ZNF236: variants seen among roughly 807,000 people sequenced by gnomAD.
The protein encoded by ZNF236 is zinc finger protein 236.
In ZNF236, 50 loss-of-function variants were observed where a neutral mutation model predicts 191.2. The ratio of observed to expected loss-of-function variants is 0.26; its 90% CI spans 0.21 to 0.33. ZNF236 has a LOEUF of 0.33. ZNF236 is among the 10% of genes least tolerant of loss of function. ZNF236 has a pLI of 1.00. For missense variants in ZNF236, 1,754 were observed against 2,374.5 expected, an observed-to-expected ratio of 0.74 and a Z score of 5.43; for synonymous variants, 907 against 928.8, an observed-to-expected ratio of 0.98 and a Z score of 0.43.
intron 3 of ZNF236, among the ~76,000 whole-genome samples, chr18:76,857,921 A>C (rs1976092554): frequency 6.6e-6 from 1 of 152,222 alleles, no homozygotes; most frequent in Non-Finnish European, 1.5e-5. Context: ...ACGGAATGTG[A>C]AAACATCAGC....
In ZNF236 at chr18:76,925,463, C is replaced by T; in HGVS notation, c.3936C>T (p.Ile1312=). The change falls in exon 22 of 31, where the codon ATC becomes ATT. Residue 1312 remains isoleucine (I), a synonymous_variant. Coordinates refer to ENST00000320610, the MANE Select transcript of ZNF236 (RefSeq NM_001306089.2). This position sits in a 1 kb window ranked among gnomAD's most constrained non-coding sequence, Gnocchi z 5.7. ...NSSSTDPNVF[I]MNNSVLTGQF... is the part of the protein sequence containing the mutation. Reference sequence around the variant, plus strand: ...CCTCTACTGACCCAAACGTGTTTATCATGAACAACTCTGTTCTAACAGGAC... The same window carrying T: ...CCTCTACTGACCCAAACGTGTTTATTATGAACAACTCTGTTCTAACAGGAC... The T allele has an allele frequency of 6.2e-7, 1 of 1,614,232 alleles. No individual in the cohort carries two copies. Among genetic ancestry groups the T allele is most frequent in the East Asian group, 2.2e-5 (1 of 44,892 alleles).
intron 4 of ZNF236, among the ~76,000 whole-genome samples, chr18:76,870,038 G>A (rs1976536891): frequency 6.6e-6 from 1 of 152,184 alleles, no homozygotes; most frequent in South Asian, 2.1e-4. Context: ...ATCCTTCTAA[G>A]CTGCAATGTT....
At chr18:76,830,527 T>C (rs1282005624) in intron 1 of ZNF236, among the ~76,000 whole-genome samples, 1 of 152,184 alleles carries the variant, frequency 6.6e-6, no homozygotes, top group Admixed American at 6.5e-5. Flanking sequence ...GTAGCACTTA[T>C]TATTGCCTCT....
rs73490870 is a variant in ZNF236 at position 76,940,678 on chromosome 18, C to T, written c.4782+3335C>T. On this transcript the variant is annotated intron_variant, in intron 26 of 30. Transcript: ENST00000320610. ...GTTTTATCACTTTGAGAATTATCCA[C>T]TACAATTAAAGTGAAAGTTCAGTAA... Among the ~76,000 whole-genome samples the T allele has an allele frequency of 7.5e-3, 1,139 of 152,318 alleles. 13 individuals are homozygous for T. Among genetic ancestry groups the T allele is most frequent in the African/African-American group, 0.026 (1,086 of 41,564 alleles).
intron 28 of ZNF236, among the ~76,000 whole-genome samples, chr18:76,959,170 A>T (rs1968598492): frequency 6.6e-6 from 1 of 152,214 alleles, no homozygotes; most frequent in Non-Finnish European, 1.5e-5. Context: ...GGGAGAACGC[A>T]CTTCAGAATC....
chr18:76,855,626 G>C (rs1208919942), intron 3 of ZNF236, among the ~76,000 whole-genome samples: 1 of 152,190 alleles, frequency 6.6e-6, no homozygotes. Context: ...CTGCTGTTAG[G>C]CATATAGGTT....
At chr18:76,836,974 C>G (rs1975348464) in intron 1 of ZNF236, among the ~76,000 whole-genome samples, 1 of 152,074 alleles carries the variant, frequency 6.6e-6, no homozygotes, top group Admixed American at 6.6e-5. Context: ...CTTCCAGGTT[C>G]AAGCAATTCT....
Position 76,927,804 on chromosome 18 carries a change from G to A in ZNF236, c.4415-123G>A. 1 of 888,346 alleles carries A rather than the reference G, an allele frequency of 1.1e-6. No individual in the cohort carries two copies. Among genetic ancestry groups the A allele is most frequent in the South Asian group, 2.3e-5 (1 of 43,808 alleles). The allele number at this position is 888,346 out of a possible 1,614,324, so 55.0% of individuals were successfully genotyped here. ...AGGAATTAGAGATGACTGATGCTTT[G>A]TTTTAAATCTTTGTCTTATTGAAAT... On this transcript the variant is annotated intron_variant, in intron 24 of 30. Coordinates refer to ENST00000320610, the MANE Select transcript of ZNF236 (RefSeq NM_001306089.2). The surrounding 1 kb of genome is among the most constrained non-coding windows in gnomAD (Gnocchi z 5.4).
rs1065499 is a variant in ZNF236, at chr18:76,881,365, C to T, written c.1270C>T (p.Pro424Ser). The T allele has an allele frequency of 6.2e-7, 1 of 1,614,134 alleles. No homozygotes were observed. The change falls in exon 9 of 31, where the codon CCA becomes TCA. Residue 424 changes from proline to serine, a missense_variant. Pro to Ser is a moderately conservative substitution (Grantham distance 74). Transcript: ENST00000320610. ...NDSCHAKTSA[P>S]HAQNPDVSSV... is the part of the protein sequence containing the mutation. ...CTCCTGCCATGCCAAGACCTCTGCACCACACGCTCAAAACCCAGATGTTTC... is the reference window on the plus strand; with the variant it reads ...CTCCTGCCATGCCAAGACCTCTGCATCACACGCTCAAAACCCAGATGTTTC...
intron 1 of ZNF236, among the ~76,000 whole-genome samples, chr18:76,834,188 C>T (rs1407093145): frequency 6.6e-6 from 1 of 152,046 alleles, no homozygotes; most frequent in African/African-American, 2.4e-5. Context: ...AGTAATGGCC[C>T]TTCTCTCTTC....
intron 5 of ZNF236, among the ~76,000 whole-genome samples, chr18:76,873,998 G>A (rs1490490475): frequency 1.4e-5 from 2 of 143,002 alleles, no homozygotes; most frequent in African/African-American, 5.3e-5. Flanking sequence ...CTGTGACTGG[G>A]CCACACTCAC....
At chr18:76,958,643 C>T (rs536119678) in intron 28 of ZNF236, among the ~76,000 whole-genome samples, 3 of 152,288 alleles carry the variant, frequency 2.0e-5, no homozygotes, top group Non-Finnish European at 2.9e-5. Context: ...GAACCCCAGA[C>T]GGAGTGGGGG....
In ZNF236 at chr18:76,913,892, C is replaced by G; in HGVS notation, c.3055C>G (p.His1019Asp). Residue 1019 changes from histidine (H) to aspartate (D), a missense_variant, in exon 18 of 31, where the codon CAC becomes GAC. Coordinates refer to ENST00000320610, the MANE Select transcript of ZNF236 (RefSeq NM_001306089.2). ...GGTCCTCAAGTCCCACGAGAAGACA[C>G]ACACAGGTCACTGTCTGCCTTATAC... The part of the protein sequence containing the change: ...SGVLKSHEKT[H>D]TGVKAFSCSV... The G allele has an allele frequency of 6.2e-7, 1 of 1,614,194 alleles. No individual in the cohort carries two copies. The highest frequency in any genetic ancestry group is 8.5e-7 in the Non-Finnish European group (1 of 1,180,022).
chr18:76,960,919 A>C lies in ZNF236; in HGVS notation c.5419+64A>C. The C allele has an allele frequency of 6.6e-7, 1 of 1,506,484 alleles. No homozygotes were observed. The allele number at this position is 1,506,484 out of a possible 1,614,324, so 93.3% of individuals were successfully genotyped here. ...GCCTGCGAGGCACCCTGTGTTTCGC[A>C]TACATTGTTTCCTTTAGTTCACACA... On this transcript the variant is annotated intron_variant, in intron 30 of 30. Coordinates refer to ENST00000320610, the MANE Select transcript of ZNF236 (RefSeq NM_001306089.2). The surrounding 1 kb of genome is among the most constrained non-coding windows in gnomAD (Gnocchi z 4.4).
chr18:76,915,443 A>T (rs1022165599), intron 18 of ZNF236, among the ~76,000 whole-genome samples: 1 of 151,940 alleles, frequency 6.6e-6, no homozygotes, highest in Non-Finnish European at 1.5e-5. Flanking sequence ...AAACAATCCC[A>T]TTTCTAAAAA....
chr18:76,926,958 C>A, intron 22 of ZNF236, 79 bp from the exon 23 acceptor site: 1 of 1,501,168 alleles, frequency 6.7e-7, no homozygotes. Context: ...TTTAAAAATC[C>A]CTATGTAAAA....
At chr18:76,881,677 A>C (rs1976905800) in intron 9 of ZNF236, among the ~76,000 whole-genome samples, 165 bp downstream of exon 9, 1 of 152,220 alleles carries the variant, frequency 6.6e-6, no homozygotes. Flanking sequence ...AATGACAGCC[A>C]TAAAATGCCT....
intron 28 of ZNF236, among the ~76,000 whole-genome samples, chr18:76,958,244 A>G (rs753801508): frequency 9.9e-5 from 15 of 152,246 alleles, no homozygotes; most frequent in Non-Finnish European, 1.9e-4. Flanking sequence ...TTCTTGAGGA[A>G]CATTTGCCAT....
At position 76,968,375 on chromosome 18, in the gene ZNF236, A is replaced by ACGCCTGTAATCCCAGCACTTTGGG; in HGVS notation, c.*36_*37insCGCCTGTAATCCCAGCACTTTGGG. 6.3e-7 allele frequency: 1 copy of ACGCCTGTAATCCCAGCACTTTGGG among 1,584,246 alleles called. No homozygotes were observed. The highest frequency in any genetic ancestry group is 2.0e-5 in the Admixed American group (1 of 50,862). On this transcript the variant is annotated 3_prime_UTR_variant, in exon 31 of 31. Transcript: ENST00000320610. ...AAGTACACCTTTAAGAATGTTTCTGAAGTTACGTTTTGTGAAGAGCAAAGC... is the reference window on the plus strand; with the variant it reads ...AAGTACACCTTTAAGAATGTTTCTGACGCCTGTAATCCCAGCACTTTGGGAGTTACGTTTTGTGAAGAGCAAAGC...
Sources: gnomAD v4.1 joint callset for allele counts (sites outside exome capture counted in the v4.1 genomes callset) on GRCh38, gnomAD v4.1.1 for gene constraint, Gnocchi (gnomAD v3.1) non-coding constraint, MANE v1.5 for transcripts, NCBI Gene and HGNC (gene_info 2026-07-23, HGNC 2026-07-21) for gene names.